The following RELN variants were observed in gnomAD, a reference collection of about 807,000 sequenced individuals.
The protein encoded by RELN is reelin.
In RELN, 108 loss-of-function variants were observed where a neutral mutation model predicts 427.6. The ratio of observed to expected loss-of-function variants is 0.25; its 90% CI spans 0.22 to 0.30. RELN has a LOEUF of 0.30. RELN is among the 10% of genes least tolerant of loss of function. The probability of loss-of-function intolerance (pLI) is 1.00; values close to 1 mark genes in which losing one functional copy is unlikely to be tolerated. For synonymous variants in RELN, 1,524 were observed against 1,513.4 expected, an observed-to-expected ratio of 1.01 and a Z score of -0.16; for missense variants, 3,715 against 4,302.8, an observed-to-expected ratio of 0.86 and a Z score of 3.82.
intron 13 of RELN, among the ~76,000 whole-genome samples, chr7:103,652,987 G>A (rs1176615547): frequency 2.0e-5 from 3 of 152,170 alleles, no homozygotes; most frequent in Admixed American, 6.5e-5. Context: ...GGGTCTCTGC[G>A]TGTGTTTGAT....
Position 103,783,355 on chromosome 7 carries a change from TA to T in RELN, c.474-6729del, listed in dbSNP as rs1253780363. The stretch of plus-strand genomic sequence containing the variant: ...AGAAAAAAACTCGCTTCAAAACCCA[TA>T]AAAAAGAGAAATGAATAGCTTCAAG... On this transcript the variant is annotated intron_variant, in intron 3 of 64. Coordinates refer to ENST00000428762, the MANE Select transcript of RELN (RefSeq NM_005045.4). Among the ~76,000 whole-genome samples, 4 of 152,144 alleles carry T rather than the reference TA, an allele frequency of 2.6e-5. No individual in the cohort carries two copies. In the South Asian group the frequency reaches 6.2e-4, roughly 24 times the overall value.
rs200107781 is a variant in RELN at position 103,562,235 on chromosome 7, C to CTAT, written c.5211-285_5211-283dup. Reference sequence around the variant, plus strand: ...TGTGAAATGGAAAAGTTATTTTGAACTATCCACTTGTTTTGTTTTTGAAAT... The same window carrying CTAT: ...TGTGAAATGGAAAAGTTATTTTGAACTATTATCCACTTGTTTTGTTTTTGAAAT... On this transcript the variant is annotated intron_variant, in intron 34 of 64. Transcript: ENST00000428762. 2.1e-4 allele frequency among the ~76,000 whole-genome samples: 32 copies of CTAT among 152,202 alleles called. No homozygotes were observed. In the East Asian group the frequency reaches 6.2e-3, roughly 29 times the overall value.
intron 46 of RELN, among the ~76,000 whole-genome samples, chr7:103,531,886 G>T (rs1424643248): frequency 1.3e-5 from 2 of 152,180 alleles, no homozygotes; most frequent in African/African-American, 4.8e-5. Context: ...AAGACAGTGT[G>T]GCATTTCCTC....
chr7:103,795,643 T>C lies in RELN; in HGVS notation c.474-19016A>G, dbSNP rs79614542. On this transcript the variant is annotated intron_variant, in intron 3 of 64. Coordinates refer to ENST00000428762, the MANE Select transcript of RELN (RefSeq NM_005045.4). ...ATCCAATTTCAGGAACTTCACTACT[T>C]TGTTTTTGCAAACAAAGGCAGGTTA... Among the ~76,000 whole-genome samples the C allele has an allele frequency of 1.0e-3, 157 of 152,324 alleles. 1 individual carries two copies. The East Asian group carries it at 0.026, about 25-fold the overall frequency.
intron 64 of RELN, among the ~76,000 whole-genome samples, chr7:103,477,447 T>G (rs1042158522): frequency 3.3e-5 from 5 of 152,228 alleles, no homozygotes; most frequent in Admixed American, 3.3e-4. Flanking sequence ...TTTATATGAA[T>G]GCAGACATAA....
intron 1 of RELN, among the ~76,000 whole-genome samples, chr7:103,919,168 G>T (rs1795557736): frequency 6.9e-6 from 1 of 144,164 alleles, no homozygotes; most frequent in African/African-American, 2.6e-5. Context: ...GAAAGAGGAG[G>T]AAATGTTGCC....
chr7:103,570,108 C>T (rs1474613869), intron 31 of RELN, among the ~76,000 whole-genome samples: 1 of 152,040 alleles, frequency 6.6e-6, no homozygotes. Flanking sequence ...ATTACACGGC[C>T]GGCACTGAGT....
chr7:103,657,430 T>G (rs1204164019), intron 12 of RELN, among the ~76,000 whole-genome samples: 2 of 152,022 alleles, frequency 1.3e-5, no homozygotes, highest in African/African-American at 4.8e-5. Flanking sequence ...AATTATATAT[T>G]AAGGATTTAC....
At chr7:103,880,697 T>C (rs1794587399) in intron 2 of RELN, among the ~76,000 whole-genome samples, 1 of 152,142 alleles carries the variant, frequency 6.6e-6, no homozygotes, top group South Asian at 2.1e-4. Context: ...TTCTTCTTCT[T>C]TTTTATTTAG....
chr7:103,689,549 G>T (rs911118320), intron 10 of RELN, among the ~76,000 whole-genome samples: 2 of 151,932 alleles, frequency 1.3e-5, no homozygotes, highest in Non-Finnish European at 2.9e-5. Flanking sequence ...GATGATTCAC[G>T]CTTTCAAAAT....
intron 6 of RELN, among the ~76,000 whole-genome samples, chr7:103,739,235 A>G (rs1481906555): frequency 6.6e-6 from 1 of 152,232 alleles, no homozygotes; most frequent in Non-Finnish European, 1.5e-5. Flanking sequence ...TTATAGTGCA[A>G]TAATTTAATT....
intron 6 of RELN, among the ~76,000 whole-genome samples, chr7:103,748,565 G>C (rs1006968473): frequency 9.2e-5 from 14 of 152,150 alleles, no homozygotes; most frequent in African/African-American, 3.4e-4. Flanking sequence ...CGTTACTTGA[G>C]AGAACCATAC....
chr7:103,812,196 T>C (rs1447521822), intron 3 of RELN, among the ~76,000 whole-genome samples: 2 of 152,008 alleles, frequency 1.3e-5, no homozygotes, highest in African/African-American at 4.8e-5. Context: ...CTCCTTAGGG[T>C]GATATCCCCA....
chr7:103,561,642 C>T lies in RELN; in HGVS notation c.5419G>A (p.Asp1807Asn), dbSNP rs558284872. Residue 1807 changes from aspartate to asparagine, a missense_variant, in exon 36 of 65, where the codon GAT (aspartate) becomes AAT (asparagine). By Grantham distance (23) the Asp-to-Asn change is conservative. Coordinates refer to ENST00000428762, the MANE Select transcript of RELN (RefSeq NM_005045.4). ...VVPLPSILKDDFNGNLHPDLW... is the reference protein window; with the variant it reads ...VVPLPSILKDNFNGNLHPDLW... ...TCAGGATGTAAATTCCCATTGAAAT[C>T]GTCTTTAAGAATCGAGGGCAGAGGA... 9.9e-6 allele frequency: 16 copies of T among 1,613,938 alleles called. 1 individual carries two copies. Among genetic ancestry groups the T allele is most frequent in the Admixed American group, 8.3e-5 (5 of 59,982 alleles).
At chr7:103,553,371 T>C (rs1830453711) in intron 40 of RELN, 90 bp downstream of exon 40, 2 of 964,596 alleles carry the variant, frequency 2.1e-6, no homozygotes, top group African/African-American at 3.2e-5. Flanking sequence ...GAGGTCATAA[T>C]GCATGAAATT....
intron 60 of RELN, 42 bp from the exon 61 acceptor site, chr7:103,486,458 C>G (rs1270870868): frequency 1.4e-6 from 2 of 1,423,490 alleles, no homozygotes; most frequent in South Asian, 2.3e-5. Context: ...GTGGACCAAC[C>G]AGAGTCATTC....
At chr7:103,906,923 G>A (rs566759187) in intron 2 of RELN, among the ~76,000 whole-genome samples, 186 of 152,112 alleles carry the variant, frequency 1.2e-3, no homozygotes, top group Non-Finnish European at 2.2e-3. Flanking sequence ...GGAATGTGGT[G>A]GTCTTATTTC....
intron 25 of RELN, 25 bp downstream of exon 25, chr7:103,596,431 C>T (rs763317338): frequency 1.1e-5 from 18 of 1,582,544 alleles, no homozygotes; most frequent in East Asian, 2.2e-5. Flanking sequence ...GAAACTAATG[C>T]GAGGACCATC....
intron 3 of RELN, among the ~76,000 whole-genome samples, chr7:103,831,030 G>A (rs372067795): frequency 1.5e-4 from 23 of 152,034 alleles, no homozygotes; most frequent in African/African-American, 4.8e-4. Flanking sequence ...AAATACCTAA[G>A]TTATTTCTCA....
Sources: gnomAD v4.1 joint callset for allele counts (sites outside exome capture counted in the v4.1 genomes callset) on GRCh38, gnomAD v4.1.1 for gene constraint, MANE v1.5 for transcripts, NCBI Gene and HGNC (gene_info 2026-07-23, HGNC 2026-07-21) for gene names.